The following IL1RAPL1 variants were observed in gnomAD, a reference collection of about 807,000 sequenced individuals.
IL1RAPL1 encodes interleukin-1 receptor accessory protein-like 1.
IL1RAPL1 carries 3 observed loss-of-function variants against 48.4 expected under a neutral mutation model. The ratio of observed to expected loss-of-function variants is 0.06; its 90% confidence interval spans 0.03 to 0.16. The LOEUF is 0.16. Ranked by LOEUF, IL1RAPL1 falls within the 10% of genes least tolerant of loss-of-function variation. The pLI is 1.00. For synonymous variants in IL1RAPL1, 185 were observed against 187.7 expected, an observed-to-expected ratio of 0.99 and a Z score of 0.12; for missense variants, 349 against 530.6, an observed-to-expected ratio of 0.66 and a Z score of 3.36.
At chrX:29,590,665 C>T (rs1466871624) in intron 5 of IL1RAPL1, among the ~76,000 whole-genome samples, 1 of 111,737 alleles carries the variant, frequency 8.9e-6, no homozygotes, top group Non-Finnish European at 1.9e-5. Context: ...AGGGGCTCAT[C>T]CAAGGTCAAC....
chrX:28,638,440 T>C (rs1360765247), intron 1 of IL1RAPL1, among the ~76,000 whole-genome samples: 1 of 110,898 alleles, frequency 9.0e-6, no homozygotes, highest in East Asian at 2.8e-4. Context: ...CTACCCTGTC[T>C]TATCTCGATC....
intron 2 of IL1RAPL1, among the ~76,000 whole-genome samples, chrX:29,224,891 T>G (rs1931050332): frequency 8.9e-6 from 1 of 112,297 alleles, no homozygotes; most frequent in Non-Finnish European, 1.9e-5. Flanking sequence ...GAGAGACCCC[T>G]ATGTGATTTA....
intron 5 of IL1RAPL1, among the ~76,000 whole-genome samples, chrX:29,459,049 C>T (rs1271071409): frequency 9.0e-6 from 1 of 111,566 alleles, no homozygotes; most frequent in African/African-American, 3.3e-5. Context: ...ATAGATTTGG[C>T]GTGTGGTCCA....
chrX:29,824,981 GA>G (rs200714144), intron 6 of IL1RAPL1, among the ~76,000 whole-genome samples: 29 of 109,088 alleles, frequency 2.7e-4, no homozygotes, highest in Admixed American at 1.4e-3. Flanking sequence ...ACTTGTAGGG[GA>G]AAAAAAATAA....
chrX:29,629,068 TAC>T (rs1210462183), intron 5 of IL1RAPL1, among the ~76,000 whole-genome samples: 1 of 112,017 alleles, frequency 8.9e-6, no homozygotes, highest in African/African-American at 3.2e-5. Flanking sequence ...CTCCAGAAAC[TAC>T]AGTTTTGGAA....
chrX:29,471,868 G>T (rs1395926509), intron 5 of IL1RAPL1, among the ~76,000 whole-genome samples: 1 of 111,476 alleles, frequency 9.0e-6, no homozygotes, highest in Non-Finnish European at 1.9e-5. Context: ...TCCATGAAAT[G>T]TCTCAGTACT....
intron 1 of IL1RAPL1, among the ~76,000 whole-genome samples, chrX:28,771,325 C>T (rs892212591): frequency 4.5e-5 from 5 of 112,193 alleles, no homozygotes; most frequent in African/African-American, 1.3e-4. Flanking sequence ...GGAAAATAGT[C>T]AACCAAGCAG....
chrX:29,149,398 T>C (rs1288040894), intron 2 of IL1RAPL1, among the ~76,000 whole-genome samples: 1 of 111,185 alleles, frequency 9.0e-6, no homozygotes, highest in Non-Finnish European at 1.9e-5. Context: ...CATTTGACAC[T>C]GAAAATATTT....
At chrX:29,538,668 T>G (rs780918983) in intron 5 of IL1RAPL1, among the ~76,000 whole-genome samples, 87 of 108,146 alleles carry the variant, frequency 8.0e-4, no homozygotes, top group African/African-American at 2.8e-3. Flanking sequence ...AGCAATTTAG[T>G]AACCTCCCAA....
chrX:29,835,021 C>T (rs2147189945), intron 6 of IL1RAPL1, among the ~76,000 whole-genome samples: 1 of 112,133 alleles, frequency 8.9e-6, no homozygotes, highest in South Asian at 3.7e-4. Flanking sequence ...CATTCAAAAA[C>T]ATTGTAGTTC....
At chrX:28,669,534 G>A (rs1052821091) in intron 1 of IL1RAPL1, among the ~76,000 whole-genome samples, 44 of 108,002 alleles carry the variant, frequency 4.1e-4, no homozygotes, top group Middle Eastern at 4.9e-3. Context: ...CAGGAGAATC[G>A]CTTGAACCAG....
At chrX:29,564,647 T>C (rs1569339893) in intron 5 of IL1RAPL1, among the ~76,000 whole-genome samples, 1 of 113,034 alleles carries the variant, frequency 8.8e-6, no homozygotes, top group African/African-American at 3.2e-5. Context: ...TTGGCTTTAA[T>C]GGTCCGTGGG....
intron 2 of IL1RAPL1, among the ~76,000 whole-genome samples, chrX:29,240,605 AT>A (rs1931406644): frequency 1.8e-5 from 2 of 111,056 alleles, no homozygotes; most frequent in African/African-American, 6.6e-5. Context: ...GGACATCTTA[AT>A]TTTCAACTTT....
chrX:29,011,172 C>T (rs962799312), intron 2 of IL1RAPL1, among the ~76,000 whole-genome samples: 2 of 111,323 alleles, frequency 1.8e-5, no homozygotes, highest in Admixed American at 9.6e-5. Flanking sequence ...ACTCTTTGTG[C>T]GGATATAAAA....
intron 1 of IL1RAPL1, among the ~76,000 whole-genome samples, chrX:28,592,607 G>C (rs1285498562): frequency 9.0e-6 from 1 of 111,728 alleles, no homozygotes; most frequent in African/African-American, 3.2e-5. Flanking sequence ...TTAGTGATAT[G>C]AGCTTCCATG....
At chrX:29,417,002 A>C (rs894683878) in intron 5 of IL1RAPL1, among the ~76,000 whole-genome samples, 1 of 111,918 alleles carries the variant, frequency 8.9e-6, no homozygotes, top group Non-Finnish European at 1.9e-5. Flanking sequence ...TTAGGTTTTG[A>C]TATGACAGTT....
chrX:28,923,239 C>T lies in IL1RAPL1; in HGVS notation c.82+133814C>T, dbSNP rs769339738. Among the ~76,000 whole-genome samples the T allele has an allele frequency of 2.0e-4, 22 of 109,583 alleles. No homozygotes were observed. In the East Asian group the frequency reaches 2.0e-3, roughly 10 times the overall value. ...TTGCCCAGGCTGGAGTGCGATGGTG[C>T]GTTCTCGGCTCACTGCAACCTCTGC... On this transcript the variant is annotated intron_variant, in intron 2 of 10. Transcript: ENST00000378993.
At chrX:29,460,257 A>G (rs1934787035) in intron 5 of IL1RAPL1, among the ~76,000 whole-genome samples, 2 of 112,187 alleles carry the variant, frequency 1.8e-5, no homozygotes, top group Admixed American at 9.5e-5. Flanking sequence ...ATTGGCCTCT[A>G]TGAATTTTTA....
intron 1 of IL1RAPL1, among the ~76,000 whole-genome samples, chrX:28,692,851 T>C (rs1220577512): frequency 5.4e-5 from 6 of 111,648 alleles, no homozygotes; most frequent in Non-Finnish European, 1.1e-4. Context: ...TATATATTCT[T>C]TTTTTACCTG....
Sources: allele counts gnomAD v4.1 joint callset (sites outside exome capture counted in the v4.1 genomes callset), GRCh38; gene constraint gnomAD v4.1.1; transcripts MANE v1.5; gene names NCBI Gene and HGNC (gene_info 2026-07-23, HGNC 2026-07-21).